The following PKM variants were observed in gnomAD, a reference collection of about 807,000 sequenced individuals.
PKM encodes the protein pyruvate kinase PKM.
In PKM, 18 loss-of-function variants were observed where a neutral mutation model predicts 49.8. That is an observed-to-expected ratio of 0.36 (90% confidence interval 0.25 to 0.54). The LOEUF (loss-of-function observed/expected upper bound fraction) is 0.54, where lower values mean the gene tolerates loss of function less well. PKM is among the 20% of genes least tolerant of loss of function. PKM has a pLI of 0.89. For synonymous variants in PKM, 239 were observed against 261.8 expected (o/e 0.91, Z 0.84); for missense variants, 508 against 713.8 (o/e 0.71, Z 3.28).
rs146865769 is a variant in PKM at position 72,217,320 on chromosome 15, T to C, written c.246+89A>G. 20 of 806,098 alleles carry C rather than the reference T, an allele frequency of 2.5e-5. No homozygotes were observed. In the African/African-American group the frequency reaches 3.0e-4, roughly 12 times the overall value. 49.9% of individuals were successfully genotyped at this position (806,098 alleles called of 1,614,324 possible). On this transcript the variant is annotated intron_variant, in intron 3 of 10. Coordinates refer to ENST00000335181, the MANE Select transcript of PKM (RefSeq NM_002654.6). ...ACTGTGAAACTCAGACTCATCCTTG[T>C]CTAGTCCACTGTGGCTAAACGAACA...
At chr15:72,212,848 G>A (rs904293163) in intron 3 of PKM, among the ~76,000 whole-genome samples, 1 of 152,118 alleles carries the variant, frequency 6.6e-6, no homozygotes, top group African/African-American at 2.4e-5. Context: ...GAGGAGGGGG[G>A]ATCACAAGGT....
chr15:72,218,582 G>C (rs2082433994), intron 2 of PKM, among the ~76,000 whole-genome samples: 1 of 146,970 alleles, frequency 6.8e-6, no homozygotes, highest in African/African-American at 2.5e-5. Context: ...ACCATGCCCA[G>C]CTAATTTTTT....
chr15:72,217,137 T>C (rs1201925754), intron 3 of PKM, among the ~76,000 whole-genome samples: 1 of 152,190 alleles, frequency 6.6e-6, no homozygotes, highest in Non-Finnish European at 1.5e-5. Context: ...CCTTTCCATA[T>C]CTTCCTTTGT....
Position 72,218,976 on chromosome 15 carries a change from G to A in PKM, c.122C>T (p.Thr41Ile), listed in dbSNP as rs2082449274. 1 of 1,614,198 alleles carries A rather than the reference G, an allele frequency of 6.2e-7. No individual in the cohort carries two copies. The highest frequency in any genetic ancestry group is 8.5e-7 in the Non-Finnish European group (1 of 1,180,040). ...CRLDIDSPPI[T>I]ARNTGIICTI... ...ACAGATGATGCCAGTGTTCCGGGCT[G>A]TGATGGGTGGTGAATCAATGTCCAG... The change falls in exon 2 of 11, where the codon ACA becomes ATA. Residue 41 changes from threonine to isoleucine, a missense_variant. Coordinates refer to ENST00000335181, the MANE Select transcript of PKM (RefSeq NM_002654.6).
intron 1 of PKM, among the ~76,000 whole-genome samples, chr15:72,227,306 T>C (rs2082698013): frequency 6.6e-6 from 1 of 152,252 alleles, no homozygotes; most frequent in African/African-American, 2.4e-5. Context: ...CAACGCATTC[T>C]TGTGTTATAC....
intron 3 of PKM, among the ~76,000 whole-genome samples, chr15:72,210,859 T>C (rs1363715380): frequency 6.6e-6 from 1 of 152,164 alleles, no homozygotes; most frequent in African/African-American, 2.4e-5. Context: ...ATAAAGCTCA[T>C]AAACAGGGCA....
At chr15:72,224,570 C>T (rs1453053865) in intron 1 of PKM, among the ~76,000 whole-genome samples, 1 of 152,178 alleles carries the variant, frequency 6.6e-6, no homozygotes, top group African/African-American at 2.4e-5. Flanking sequence ...TGACCATTAA[C>T]ACTGAGCCAT....
At position 72,208,552 on chromosome 15, in the gene PKM, C is replaced by T. The variant is rs960177864; in HGVS notation, c.836+69G>A. ...GATGGGCTAGGGGCTGGGAATCAGA[C>T]ATTCACAGGATGGACCATGCCCTTC... On this transcript the variant is annotated intron_variant, in intron 6 of 10. Coordinates refer to ENST00000335181, the MANE Select transcript of PKM (RefSeq NM_002654.6). 6 of 1,524,878 alleles carry T rather than the reference C, an allele frequency of 3.9e-6. No individual in the cohort carries two copies. In the African/African-American group the frequency reaches 8.2e-5, roughly 21 times the overall value. 94.5% of individuals were successfully genotyped at this position (1,524,878 alleles called of 1,614,324 possible). A position where few individuals can be genotyped will look rare whatever the true frequency, so the allele number is the denominator to read the frequency against.
chr15:72,213,791 T>C (rs148498240), intron 3 of PKM, among the ~76,000 whole-genome samples: 2 of 152,382 alleles, frequency 1.3e-5, no homozygotes, highest in East Asian at 1.9e-4. Context: ...TTTGGATATT[T>C]ATCTTTTCTT....
At chr15:72,229,342 G>A (rs1004683661) in intron 1 of PKM, among the ~76,000 whole-genome samples, 1 of 152,174 alleles carries the variant, frequency 6.6e-6, no homozygotes, top group African/African-American at 2.4e-5. Flanking sequence ...AGTTTTCCCA[G>A]GGGAAACTGA....
intron 3 of PKM, among the ~76,000 whole-genome samples, chr15:72,213,887 T>C (rs1188784441): frequency 6.6e-5 from 10 of 152,238 alleles, no homozygotes; most frequent in African/African-American, 2.4e-4. Context: ...GTAGGAAATA[T>C]TCTCTTTTCT....
In PKM at chr15:72,200,462, C is replaced by T. The variant is rs368740901; in HGVS notation, c.1489+12G>A. The T allele has an allele frequency of 1.9e-5, 31 of 1,611,428 alleles. No homozygotes were observed. The highest frequency in any genetic ancestry group is 2.5e-5 in the Non-Finnish European group (29 of 1,179,010). ...GCTCCTCTAGGCTCTAGCCCCTGCT[C>T]CAGCCACGTACCAACATTCATGGCA... is the stretch of plus-strand genomic sequence containing the variant. On this transcript the variant is annotated intron_variant, in intron 10 of 10. Transcript: ENST00000335181. This position sits in a 1 kb window ranked among gnomAD's most constrained non-coding sequence, Gnocchi z 4.6.
chr15:72,219,258 T>C, intron 1 of PKM, 148 bp from the exon 2 acceptor site: 2 of 681,170 alleles, frequency 2.9e-6, no homozygotes, highest in Non-Finnish European at 5.0e-6. Context: ...GATCTGGTTA[T>C]GTGGGTGCTC....
At chr15:72,210,542 G>A (rs2082226178) in intron 3 of PKM, 64 bp from the exon 4 acceptor site, 23 of 1,591,844 alleles carry the variant, frequency 1.4e-5, no homozygotes, top group East Asian at 2.2e-5. Context: ...CAATTCCCCT[G>A]CCCAGGAGCC....
At chr15:72,222,532 G>A (rs887095181) in intron 1 of PKM, 1 of 152,514 alleles carries the variant, frequency 6.6e-6, no homozygotes, top group African/African-American at 2.4e-5. Context: ...GCGGACTTCT[G>A]GGAAAGACTC....
chr15:72,210,247 T>C (rs1456589041), intron 4 of PKM, 100 bp downstream of exon 4: 6 of 1,240,898 alleles, frequency 4.8e-6, no homozygotes, highest in South Asian at 3.8e-5. Context: ...CAGTCCTTCA[T>C]AGTACTGGGA....
At chr15:72,224,635 G>T (rs930593632) in intron 1 of PKM, among the ~76,000 whole-genome samples, 3 of 152,128 alleles carry the variant, frequency 2.0e-5, no homozygotes, top group African/African-American at 7.2e-5. Flanking sequence ...GGCTGAGGCG[G>T]GCAGATCACT....
At chr15:72,205,965 A>G (rs796745335) in intron 8 of PKM, among the ~76,000 whole-genome samples, 32 of 152,268 alleles carry the variant, frequency 2.1e-4, no homozygotes, top group African/African-American at 7.7e-4. Context: ...AAGCTGGAAG[A>G]GCCTGAAGAA....
intron 1 of PKM, chr15:72,221,236 C>T: frequency 6.5e-7 from 1 of 1,535,500 alleles, no homozygotes; most frequent in Non-Finnish European, 8.7e-7. Flanking sequence ...GGCTCCTTGG[C>T]CTCACTAGCA....
Sources: allele counts gnomAD v4.1 joint callset (sites outside exome capture counted in the v4.1 genomes callset), GRCh38; gene constraint gnomAD v4.1.1; non-coding constraint Gnocchi (gnomAD v3.1); transcripts MANE v1.5; gene names NCBI Gene and HGNC (gene_info 2026-07-23, HGNC 2026-07-21).